ALG6: variants seen among roughly 807,000 people sequenced by gnomAD.
ALG6 encodes the protein ALG6 alpha-1,3-glucosyltransferase, also known as dolichyl pyrophosphate Man9GlcNAc2 alpha-1,3-glucosyltransferase.
ALG6 carries 46 observed loss-of-function variants against 66.6 expected under a neutral mutation model. That is an observed-to-expected ratio of 0.69 (90% CI 0.55 to 0.88). The LOEUF is 0.88. ALG6 is among the 40% of genes least tolerant of loss of function. The pLI, the probability that ALG6 is intolerant of heterozygous loss-of-function variation, is 0.00. For missense variants in ALG6, 505 were observed against 586.8 expected (o/e 0.86, Z 1.44); for synonymous variants, 185 against 203.7 (o/e 0.91, Z 0.78).
Position 63,411,177 on chromosome 1 carries a change from T to C in ALG6, c.526T>C (p.Trp176Arg). Residue 176 changes from tryptophan to arginine, a missense_variant, in exon 8 of 15, where the codon TGG (tryptophan) becomes CGG (arginine). Coordinates refer to ENST00000263440, the MANE Select transcript of ALG6 (RefSeq NM_013339.4). ...YNSVSLGFAL[W>R]GVLGISCDCD... The stretch of plus-strand genomic sequence containing the variant: ...TTCTGTGAGTCTTGGCTTTGCTTTG[T>C]GGGGTGTTCTTGGAATATCTTGTGA... 6.2e-7 allele frequency: 1 copy of C among 1,613,880 alleles called. No individual in the cohort carries two copies. Among genetic ancestry groups the C allele is most frequent in the Non-Finnish European group, 8.5e-7 (1 of 1,179,886 alleles).
chr1:63,371,532 C>T lies in ALG6; in HGVS notation c.82+473C>T, dbSNP rs187392047. Among the ~76,000 whole-genome samples the T allele has an allele frequency of 3.2e-4, 49 of 152,198 alleles. 1 individual carries two copies. In the East Asian group the frequency reaches 8.5e-3, roughly 26 times the overall value. Reference sequence around the variant, plus strand: ...ACCTATTTAGCACGTCTCATGTTCCCGGCACTGTGCTAGCTTCTAAAAATA... The same window carrying T: ...ACCTATTTAGCACGTCTCATGTTCCTGGCACTGTGCTAGCTTCTAAAAATA... On this transcript the variant is annotated intron_variant, in intron 2 of 14. Transcript: ENST00000263440.
At chr1:63,397,322 A>G (rs1256919788) in intron 3 of ALG6, among the ~76,000 whole-genome samples, 2 of 151,924 alleles carry the variant, frequency 1.3e-5, no homozygotes, top group African/African-American at 4.8e-5. Context: ...AGTATCTGGG[A>G]TTGCAGGTGC....
intron 10 of ALG6, among the ~76,000 whole-genome samples, 187 bp from the exon 11 acceptor site, chr1:63,415,686 A>G (rs914464079): frequency 6.6e-6 from 1 of 152,072 alleles, no homozygotes; most frequent in African/African-American, 2.4e-5. Flanking sequence ...AAGTATATAT[A>G]TATATCAATG....
intron 2 of ALG6, among the ~76,000 whole-genome samples, chr1:63,395,155 C>T (rs1422657535): frequency 2.6e-5 from 4 of 152,082 alleles, no homozygotes; most frequent in East Asian, 1.9e-4. Flanking sequence ...TGAGCCTCCG[C>T]GCCTGGCCAG....
In ALG6 at chr1:63,429,127, G is replaced by T. The variant is rs1475789647; in HGVS notation, c.1326+1G>T. 6.3e-7 allele frequency: 1 copy of T among 1,582,936 alleles called. No homozygotes were observed. Among genetic ancestry groups the T allele is most frequent in the East Asian group, 2.3e-5 (1 of 44,426 alleles). On this transcript the variant is annotated splice_donor_variant, in intron 14 of 14. Transcript: ENST00000263440. LOFTEE classifies it high-confidence loss of function. Reference sequence around the variant, plus strand: ...TCTTTCCAGAATTATACAATATTTGGTAAGTTCAATTTTTAAGAAATGACA... The same window carrying T: ...TCTTTCCAGAATTATACAATATTTGTTAAGTTCAATTTTTAAGAAATGACA...
chr1:63,378,623 T>C (rs1648206011), intron 2 of ALG6, among the ~76,000 whole-genome samples: 2 of 152,200 alleles, frequency 1.3e-5, no homozygotes, highest in Admixed American at 6.5e-5. Flanking sequence ...GAGAATAAAA[T>C]AGACAATAAT....
At chr1:63,411,567 G>T (rs1305099917) in intron 8 of ALG6, among the ~76,000 whole-genome samples, 4 of 152,170 alleles carry the variant, frequency 2.6e-5, no homozygotes, top group Non-Finnish European at 5.9e-5. Context: ...GGATTGGGTA[G>T]TTAGAACTTT....
chr1:63,395,296 T>C (rs1039450230), intron 2 of ALG6, among the ~76,000 whole-genome samples: 2 of 152,376 alleles, frequency 1.3e-5, no homozygotes, highest in African/African-American at 2.4e-5. Flanking sequence ...GCAATAGTTT[T>C]TATACAACTT....
intron 9 of ALG6, 191 bp from the exon 10 acceptor site, chr1:63,413,870 C>A: frequency 2.0e-6 from 1 of 507,338 alleles, no homozygotes; most frequent in Non-Finnish European, 3.6e-6. Context: ...CTGCCCTGCA[C>A]AAAAATGAAA....
intron 2 of ALG6, among the ~76,000 whole-genome samples, chr1:63,377,936 CT>C (rs1274267163): frequency 2.0e-5 from 3 of 152,070 alleles, no homozygotes. Context: ...ACATAAGGTC[CT>C]GCTGTGTTGC....
rs559875447 is a variant in ALG6 at position 63,379,675 on chromosome 1, GCT to G, written c.82+8617_82+8618del. Among the ~76,000 whole-genome samples the G allele has an allele frequency of 1.3e-4, 20 of 151,766 alleles. No homozygotes were observed. In the South Asian group the frequency reaches 4.2e-3, roughly 32 times the overall value. On this transcript the variant is annotated intron_variant, in intron 2 of 14. Transcript: ENST00000263440. ...CTCTAAGGAATTCTTTCATGTTACTGCTAGTTCAGCCATATATTAAAATTATA... is the reference window on the plus strand; with the variant it reads ...CTCTAAGGAATTCTTTCATGTTACTGAGTTCAGCCATATATTAAAATTATA...
chr1:63,371,955 A>C (rs952709769), intron 2 of ALG6, among the ~76,000 whole-genome samples: 127 of 152,192 alleles, frequency 8.3e-4, no homozygotes, highest in African/African-American at 2.9e-3. Context: ...TGATAATTAT[A>C]ATGTAGGAGT....
chr1:63,381,566 G>C (rs1648308540), intron 2 of ALG6, among the ~76,000 whole-genome samples: 1 of 151,784 alleles, frequency 6.6e-6, no homozygotes, highest in African/African-American at 2.4e-5. Context: ...GATCCCTTGA[G>C]CCCAGAAGGT....
intron 14 of ALG6, among the ~76,000 whole-genome samples, chr1:63,431,147 G>C (rs1268420707): frequency 6.6e-6 from 1 of 152,148 alleles, no homozygotes; most frequent in African/African-American, 2.4e-5. Context: ...GTTCTTAAAT[G>C]TAAGGGTTTA....
intron 12 of ALG6, among the ~76,000 whole-genome samples, chr1:63,423,024 A>ATTTT (rs61279219): frequency 2.8e-5 from 4 of 142,964 alleles, no homozygotes; most frequent in Non-Finnish European, 6.1e-5. Context: ...GGATAATGCA[A>ATTTT]TTTTTTTTTT....
At position 63,412,113 on chromosome 1, in the gene ALG6, C is replaced by G. The variant is rs763664040; in HGVS notation, c.816+52C>G. 35 of 1,612,020 alleles carry G rather than the reference C, an allele frequency of 2.2e-5. No individual in the cohort carries two copies. The South Asian group carries it at 2.4e-4, about 11-fold the overall frequency. ...TCTGTTACTGTACCTTACCTGTGAC[C>G]TTTAGGGGTTTCATGTAGAAGGTAC... On this transcript the variant is annotated intron_variant, in intron 9 of 14. Transcript: ENST00000263440.
intron 10 of ALG6, among the ~76,000 whole-genome samples, chr1:63,415,629 ATATT>A (rs368819099): frequency 1.1e-3 from 169 of 152,244 alleles, no homozygotes; most frequent in African/African-American, 3.9e-3. Context: ...AACAGAAGCA[ATATT>A]TAGTTTTATC....
intron 2 of ALG6, among the ~76,000 whole-genome samples, chr1:63,394,870 CTTT>C (rs754695008): frequency 1.4e-5 from 2 of 139,482 alleles, no homozygotes; most frequent in Admixed American, 1.4e-4. Context: ...TATTTCTTTT[CTTT>C]TTTTTTTTTT....
rs1259322656 is a variant in ALG6, at chr1:63,433,723, G to A, written c.1327-3100G>A. Among the ~76,000 whole-genome samples, 2 of 152,150 alleles carry A rather than the reference G, an allele frequency of 1.3e-5. No homozygotes were observed. The highest frequency in any genetic ancestry group is 3.9e-4 in the East Asian group (2 of 5,190). On this transcript the variant is annotated intron_variant, in intron 14 of 14. Transcript: ENST00000263440. This position sits in a 1 kb window ranked among gnomAD's most constrained non-coding sequence, Gnocchi z 4.2. Reference sequence around the variant, plus strand: ...GTTTTTGAGCACTTACTATATGCAAGCATTGTTCTGGAGGCTGAGGATACG... The same window carrying A: ...GTTTTTGAGCACTTACTATATGCAAACATTGTTCTGGAGGCTGAGGATACG...
Sources: allele counts gnomAD v4.1 joint callset (sites outside exome capture counted in the v4.1 genomes callset), GRCh38; gene constraint gnomAD v4.1.1; non-coding constraint Gnocchi (gnomAD v3.1); transcripts MANE v1.5; gene names NCBI Gene and HGNC (gene_info 2026-07-23, HGNC 2026-07-21).